The following PTPRT variants were observed in gnomAD, a reference collection of about 807,000 sequenced individuals.
The protein encoded by PTPRT is receptor-type tyrosine-protein phosphatase T.
Under a neutral mutation model 176.8 loss-of-function variants are expected in PTPRT, and 56 were observed. The observed-to-expected ratio is 0.32, with a 90% CI of 0.26 to 0.40. The LOEUF (loss-of-function observed/expected upper bound fraction) is 0.40, where lower values mean the gene tolerates loss of function less well. Among genes scored for constraint, PTPRT ranks in the 10% least tolerant of loss-of-function variants. The pLI is 1.00. For synonymous variants in PTPRT, 783 were observed against 739.0 expected (o/e 1.06, Z -0.96); for missense variants, 1,540 against 1,908.2 (o/e 0.81, Z 3.60).
At chr20:42,466,618 C>T (rs2071106452) in intron 8 of PTPRT, among the ~76,000 whole-genome samples, 1 of 152,194 alleles carries the variant, frequency 6.6e-6, no homozygotes, top group East Asian at 1.9e-4. Flanking sequence ...GGATGTTGAG[C>T]ACCAGGGTTC....
intron 6 of PTPRT, among the ~76,000 whole-genome samples, chr20:42,681,381 G>C (rs960948380): frequency 6.6e-6 from 1 of 152,160 alleles, no homozygotes; most frequent in Non-Finnish European, 1.5e-5. Context: ...GTCATGATGC[G>C]GGTGGCAGAG....
chr20:42,954,076 C>G (rs111789180), intron 1 of PTPRT, among the ~76,000 whole-genome samples: 10,992 of 152,008 alleles, frequency 0.072, 1,141 homozygotes, highest in African/African-American at 0.23. Flanking sequence ...GATGGCTGAC[C>G]CTGGTATAGT....
intron 22 of PTPRT, among the ~76,000 whole-genome samples, chr20:42,110,700 C>A (rs1986932623): frequency 6.6e-6 from 1 of 152,200 alleles, no homozygotes; most frequent in Non-Finnish European, 1.5e-5. Flanking sequence ...GGCTTTATTG[C>A]AGGATTTCTC....
chr20:42,497,642 T>C (rs1383732496), intron 7 of PTPRT, among the ~76,000 whole-genome samples: 1 of 152,182 alleles, frequency 6.6e-6, no homozygotes, highest in South Asian at 2.1e-4. Context: ...CACCCTTTGC[T>C]GGCATTACAT....
At chr20:42,216,746 C>T (rs2055781008) in intron 15 of PTPRT, among the ~76,000 whole-genome samples, 1 of 152,112 alleles carries the variant, frequency 6.6e-6, no homozygotes, top group South Asian at 2.1e-4. Flanking sequence ...TACGACTTGA[C>T]CCTTTTCATC....
At chr20:42,813,663 G>A (rs557371042) in intron 2 of PTPRT, among the ~76,000 whole-genome samples, 9 of 152,232 alleles carry the variant, frequency 5.9e-5, no homozygotes, top group African/African-American at 1.7e-4. Context: ...TCCCCTTGAA[G>A]TTTGAAGATT....
At chr20:43,153,767 C>T (rs966880120) in intron 1 of PTPRT, among the ~76,000 whole-genome samples, 6 of 152,284 alleles carry the variant, frequency 3.9e-5, no homozygotes, top group African/African-American at 9.6e-5. Context: ...TTAGCGCAAT[C>T]GGTCAATGTA....
intron 26 of PTPRT, among the ~76,000 whole-genome samples, chr20:42,099,869 G>A (rs1418273797): frequency 2.6e-5 from 4 of 152,306 alleles, no homozygotes; most frequent in Middle Eastern, 3.4e-3. Flanking sequence ...ATGTTCAGAA[G>A]AGGGGTCTGG....
intron 3 of PTPRT, among the ~76,000 whole-genome samples, chr20:42,782,086 G>C (rs2077222901): frequency 6.6e-6 from 1 of 152,146 alleles, no homozygotes; most frequent in Non-Finnish European, 1.5e-5. Context: ...ATCACAACTT[G>C]ACCATTCTTC....
At chr20:43,080,514 G>C (rs1380302664) in intron 1 of PTPRT, among the ~76,000 whole-genome samples, 1 of 152,154 alleles carries the variant, frequency 6.6e-6, no homozygotes, top group East Asian at 1.9e-4. Context: ...TCACTGTATG[G>C]TTATTCTCCT....
chr20:42,092,766 GAGACA>G, intron 27 of PTPRT, among the ~76,000 whole-genome samples: 1 of 152,244 alleles, frequency 6.6e-6, no homozygotes, highest in Non-Finnish European at 1.5e-5. Context: ...ATGGCAGCAA[GAGACA>G]TCTCTGAAAT....
chr20:42,983,399 C>T (rs1983386868), intron 1 of PTPRT, among the ~76,000 whole-genome samples: 1 of 152,206 alleles, frequency 6.6e-6, no homozygotes, highest in Non-Finnish European at 1.5e-5. Context: ...TGTTTAATCC[C>T]TTAATCAACC....
intron 16 of PTPRT, among the ~76,000 whole-genome samples, chr20:42,173,167 T>C (rs1990148415): frequency 6.6e-6 from 1 of 152,198 alleles, no homozygotes; most frequent in South Asian, 2.1e-4. Flanking sequence ...GTGGAAAGTT[T>C]CACCCATCTG....
At chr20:42,327,703 T>G (rs2057906024) in intron 11 of PTPRT, among the ~76,000 whole-genome samples, 1 of 152,056 alleles carries the variant, frequency 6.6e-6, no homozygotes, top group Admixed American at 6.5e-5. Context: ...CCTGTAGGTT[T>G]GAAATCAAAG....
chr20:42,925,080 T>C (rs1053529250), intron 1 of PTPRT, among the ~76,000 whole-genome samples: 1 of 152,296 alleles, frequency 6.6e-6, no homozygotes, highest in South Asian at 2.1e-4. Flanking sequence ...ATGATGAGAA[T>C]CAACTCCCAG....
At chr20:42,724,264 G>A (rs1289089903) in intron 6 of PTPRT, among the ~76,000 whole-genome samples, 1 of 152,088 alleles carries the variant, frequency 6.6e-6, no homozygotes, top group Non-Finnish European at 1.5e-5. Context: ...ATCAACACCA[G>A]CTGTGTGGTT....
chr20:42,647,664 A>G (rs1248647955), intron 7 of PTPRT, among the ~76,000 whole-genome samples: 3 of 151,830 alleles, frequency 2.0e-5, no homozygotes, highest in South Asian at 2.1e-4. Flanking sequence ...TGAGCATTCC[A>G]CCCTCAGCGC....
intron 7 of PTPRT, among the ~76,000 whole-genome samples, chr20:42,649,958 T>C (rs1278284415): frequency 1.3e-5 from 2 of 152,162 alleles, no homozygotes; most frequent in East Asian, 3.9e-4. Flanking sequence ...GCTCCAACTG[T>C]GGTCCCCTTA....
chr20:43,045,512 A>G (rs1484462363), intron 1 of PTPRT, among the ~76,000 whole-genome samples: 1 of 140,524 alleles, frequency 7.1e-6, no homozygotes, highest in Non-Finnish European at 1.5e-5. Flanking sequence ...GGAGTCCAGC[A>G]GTGTTATCTC....
Sources: gnomAD v4.1 joint callset for allele counts (sites outside exome capture counted in the v4.1 genomes callset) on GRCh38, gnomAD v4.1.1 for gene constraint, MANE v1.5 for transcripts, NCBI Gene and HGNC (gene_info 2026-07-23, HGNC 2026-07-21) for gene names.